AUTS2: variants seen among roughly 807,000 people sequenced by gnomAD.
AUTS2 encodes the protein activator of transcription and developmental regulator AUTS2.
A neutral mutation model predicts 112.4 loss-of-function variants in AUTS2; 17 were observed. That is an observed-to-expected ratio of 0.15 (90% CI 0.10 to 0.23). AUTS2 has a LOEUF of 0.23. AUTS2 is among the 10% of genes least tolerant of loss of function. AUTS2 has a pLI of 1.00. For synonymous variants in AUTS2, 751 were observed against 702.7 expected (o/e 1.07, Z -1.09); for missense variants, 1,510 against 1,701.6 (o/e 0.89, Z 1.98).
At chr7:70,614,476 G>A (rs1213527813) in intron 5 of AUTS2, among the ~76,000 whole-genome samples, 1 of 152,186 alleles carries the variant, frequency 6.6e-6, no homozygotes, top group Non-Finnish European at 1.5e-5. Context: ...GTGCTAAGTG[G>A]AGGTGTGGGG....
chr7:69,749,525 T>C (rs1326856570), intron 1 of AUTS2, among the ~76,000 whole-genome samples: 2 of 152,190 alleles, frequency 1.3e-5, no homozygotes, highest in Admixed American at 1.3e-4. Context: ...ATCATGTGAT[T>C]GAAATTCTTT....
At chr7:70,035,661 C>G (rs935783532) in intron 2 of AUTS2, among the ~76,000 whole-genome samples, 1 of 152,096 alleles carries the variant, frequency 6.6e-6, no homozygotes, top group Admixed American at 6.6e-5. Context: ...GTCACTGGTG[C>G]GTGTTCCTCT....
intron 6 of AUTS2, among the ~76,000 whole-genome samples, chr7:70,713,205 G>A (rs1266286043): frequency 2.0e-5 from 3 of 152,182 alleles, no homozygotes; most frequent in African/African-American, 7.2e-5. Flanking sequence ...CATCACCAAT[G>A]CCGGCCTGCC....
chr7:69,726,813 GTTTTC>G (rs1250547258), intron 1 of AUTS2, among the ~76,000 whole-genome samples: 1 of 151,964 alleles, frequency 6.6e-6, no homozygotes, highest in East Asian at 1.9e-4. Flanking sequence ...GTTGAGCACT[GTTTTC>G]TTTTGTGAAG....
intron 5 of AUTS2, among the ~76,000 whole-genome samples, chr7:70,675,102 C>G (rs1049704350): frequency 1.2e-4 from 19 of 152,256 alleles, no homozygotes; most frequent in Non-Finnish European, 2.1e-4. Context: ...ATCCTCCCCC[C>G]CCTCAACTCC....
At chr7:70,393,636 G>T (rs753915296) in intron 4 of AUTS2, among the ~76,000 whole-genome samples, 1 of 152,170 alleles carries the variant, frequency 6.6e-6, no homozygotes, top group African/African-American at 2.4e-5. Flanking sequence ...GATTATAGGG[G>T]CTCTATGTGA....
chr7:69,920,377 T>A (rs992321209), intron 2 of AUTS2, among the ~76,000 whole-genome samples: 1 of 151,906 alleles, frequency 6.6e-6, no homozygotes, highest in East Asian at 1.9e-4. Context: ...AGTCTGAACC[T>A]CCTGGCTCAA....
At chr7:70,752,303 G>T (rs886242528) in intron 6 of AUTS2, among the ~76,000 whole-genome samples, 1 of 152,052 alleles carries the variant, frequency 6.6e-6, no homozygotes, top group African/African-American at 2.4e-5. Context: ...AGCTTTCTCC[G>T]AAACCAATAT....
intron 4 of AUTS2, among the ~76,000 whole-genome samples, chr7:70,383,312 C>T (rs754622869): frequency 2.0e-5 from 3 of 152,004 alleles, no homozygotes; most frequent in Admixed American, 6.6e-5. Flanking sequence ...TCACTCCATG[C>T]GGTTTGGGAC....
chr7:70,746,647 G>C (rs937199189), intron 6 of AUTS2, among the ~76,000 whole-genome samples: 1 of 152,126 alleles, frequency 6.6e-6, no homozygotes, highest in African/African-American at 2.4e-5. Context: ...GATGGGATTC[G>C]AAAGTGCACC....
intron 5 of AUTS2, among the ~76,000 whole-genome samples, chr7:70,512,293 T>G (rs112454611): frequency 5.9e-5 from 9 of 152,326 alleles, no homozygotes; most frequent in African/African-American, 1.4e-4. Flanking sequence ...TTTTTGGACA[T>G]TGCTAAGCCT....
chr7:69,820,168 T>A (rs1204149440), intron 1 of AUTS2, among the ~76,000 whole-genome samples: 1 of 152,186 alleles, frequency 6.6e-6, no homozygotes, highest in Non-Finnish European at 1.5e-5. Context: ...TACAGTGGAC[T>A]GTGCTGTAGG....
intron 4 of AUTS2, among the ~76,000 whole-genome samples, chr7:70,353,492 C>A (rs541840857): frequency 6.6e-6 from 1 of 152,192 alleles, no homozygotes; most frequent in South Asian, 2.1e-4. Context: ...GGGTGGCTGA[C>A]CCAGGGAACC....
intron 1 of AUTS2, among the ~76,000 whole-genome samples, chr7:69,774,539 AT>A (rs1788812862): frequency 6.6e-6 from 1 of 152,252 alleles, no homozygotes; most frequent in African/African-American, 2.4e-5. Flanking sequence ...TCTGACAAGA[AT>A]TTTAAAGCAG....
chr7:70,630,791 C>A (rs562480299), intron 5 of AUTS2, among the ~76,000 whole-genome samples: 1 of 152,172 alleles, frequency 6.6e-6, no homozygotes, highest in Non-Finnish European at 1.5e-5. Context: ...AAATTTGAAG[C>A]CTGTGTTTAT....
chr7:70,022,164 G>A (rs1359671964), intron 2 of AUTS2, among the ~76,000 whole-genome samples: 6 of 150,386 alleles, frequency 4.0e-5, no homozygotes, highest in Non-Finnish European at 8.8e-5. Context: ...TCAGAGAAAG[G>A]AGAGAGTTGT....
intron 4 of AUTS2, among the ~76,000 whole-genome samples, chr7:70,433,740 A>G (rs1795772266): frequency 2.6e-5 from 4 of 152,202 alleles, no homozygotes. Flanking sequence ...GGAGAAGTAG[A>G]AAATGTTCTA....
At chr7:70,737,227 T>C (rs755497935) in intron 6 of AUTS2, among the ~76,000 whole-genome samples, 3 of 152,154 alleles carry the variant, frequency 2.0e-5, no homozygotes, top group Non-Finnish European at 4.4e-5. Context: ...GCTGGAGTGT[T>C]CTGGTTACAT....
At chr7:69,823,942 C>CT (rs373968011) in intron 1 of AUTS2, among the ~76,000 whole-genome samples, 219 of 152,222 alleles carry the variant, frequency 1.4e-3, no homozygotes, top group Non-Finnish European at 2.6e-3. Context: ...ACTTGAAACT[C>CT]TAGAGGTATG....
Sources: gnomAD v4.1 joint callset for allele counts (sites outside exome capture counted in the v4.1 genomes callset) on GRCh38, gnomAD v4.1.1 for gene constraint, MANE v1.5 for transcripts, NCBI Gene and HGNC (gene_info 2026-07-23, HGNC 2026-07-21) for gene names.